The following CTBP2 variants were observed in gnomAD, a reference collection of about 807,000 sequenced individuals.
The protein encoded by CTBP2 is C-terminal binding protein 2.
In CTBP2, 30 loss-of-function variants were observed where a neutral mutation model predicts 80.3. The ratio of observed to expected loss-of-function variants is 0.37; its 90% CI spans 0.28 to 0.51. The LOEUF (loss-of-function observed/expected upper bound fraction) is 0.51, where lower values mean the gene tolerates loss of function less well. CTBP2 is among the 20% of genes least tolerant of loss of function. CTBP2 has a pLI of 0.93. For synonymous variants in CTBP2, 594 were observed against 587.4 expected, an observed-to-expected ratio of 1.01 and a Z score of -0.16; for missense variants, 1,212 against 1,375.3, an observed-to-expected ratio of 0.88 and a Z score of 1.88.
intron 2 of CTBP2, among the ~76,000 whole-genome samples, chr10:125,079,154 A>G (rs75588051): frequency 1.8e-3 from 252 of 140,028 alleles, no homozygotes; most frequent in African/African-American, 5.9e-3. Context: ...CTCGAGGAAA[A>G]AAAAAAAAAA....
intron 2 of CTBP2, among the ~76,000 whole-genome samples, chr10:125,050,675 A>G (rs1375192476): frequency 6.6e-6 from 1 of 152,226 alleles, no homozygotes; most frequent in East Asian, 1.9e-4. Flanking sequence ...GCTGGGGTTC[A>G]GCTGTCTTCT....
intron 1 of CTBP2, among the ~76,000 whole-genome samples, chr10:125,141,015 G>A (rs961675680): frequency 1.3e-5 from 2 of 151,556 alleles, no homozygotes; most frequent in African/African-American, 2.4e-5. Context: ...CAGACTGGCT[G>A]TAATCCCGGC....
At chr10:125,145,232 C>T (rs944680897) in intron 1 of CTBP2, among the ~76,000 whole-genome samples, 18 of 152,102 alleles carry the variant, frequency 1.2e-4, no homozygotes, top group Admixed American at 6.5e-4. Flanking sequence ...TTGGCAGTTT[C>T]GGGCTGGCTG....
In CTBP2 at chr10:124,991,439, G is replaced by A. The variant is rs149745116; in HGVS notation, c.2777+1256C>T. 7.2e-3 allele frequency among the ~76,000 whole-genome samples: 1,100 copies of A among 152,336 alleles called. 8 individuals carry two copies. The highest frequency in any genetic ancestry group is 0.011 in the Non-Finnish European group (748 of 68,028). On this transcript the variant is annotated intron_variant, in intron 8 of 8. Coordinates refer to ENST00000309035, the MANE Select transcript of CTBP2 (RefSeq NM_022802.3). ...CCAGCTCCACCCAACAGGGGAATCT[G>A]GTGCTGTGATAGGCTCAAAATACTT...
chr10:125,002,307 C>T (rs753295680), intron 3 of CTBP2, among the ~76,000 whole-genome samples: 3 of 152,320 alleles, frequency 2.0e-5, no homozygotes, highest in African/African-American at 4.8e-5. Flanking sequence ...CGAGCTCACA[C>T]GGGGTGCTGG....
chr10:125,146,700 A>G (rs1163560721), intron 1 of CTBP2, among the ~76,000 whole-genome samples: 3 of 151,914 alleles, frequency 2.0e-5, no homozygotes, highest in Non-Finnish European at 4.4e-5. Flanking sequence ...TCCTTACCCC[A>G]CCTTGCCATT....
chr10:125,014,270 T>A (rs184312686), intron 1 of CTBP2, among the ~76,000 whole-genome samples: 1 of 152,306 alleles, frequency 6.6e-6, no homozygotes, highest in Admixed American at 6.5e-5. Context: ...TGTCCTAACC[T>A]GGACGACACA....
chr10:125,061,926 T>A (rs187091030), intron 2 of CTBP2, among the ~76,000 whole-genome samples: 1 of 152,278 alleles, frequency 6.6e-6, no homozygotes, highest in East Asian at 1.9e-4. Flanking sequence ...GCTTTCCTCA[T>A]CTAAAATGAC....
chr10:125,052,998 C>T (rs1393337602), intron 2 of CTBP2, among the ~76,000 whole-genome samples: 5 of 152,188 alleles, frequency 3.3e-5, no homozygotes, highest in African/African-American at 9.7e-5. Context: ...TTTATGAATA[C>T]GCATCACGCA....
intron 2 of CTBP2, among the ~76,000 whole-genome samples, chr10:125,107,294 G>A (rs1436492353): frequency 6.6e-6 from 1 of 152,188 alleles, no homozygotes; most frequent in African/African-American, 2.4e-5. Flanking sequence ...TTCGGATGTT[G>A]GCAGTCTTGC....
intron 5 of CTBP2, 54 bp downstream of exon 7, chr10:124,994,415 G>A: frequency 6.4e-7 from 1 of 1,564,534 alleles, no homozygotes; most frequent in South Asian, 1.1e-5. Flanking sequence ...GTGCCCACAA[G>A]CAAGTGCTAC....
intron 2 of CTBP2, among the ~76,000 whole-genome samples, chr10:125,079,631 AT>A (rs1331394848): frequency 1.3e-5 from 2 of 152,240 alleles, no homozygotes; most frequent in African/African-American, 4.8e-5. Context: ...CATGTCATTA[AT>A]TATTAATTCT....
chr10:125,050,074 C>T (rs540915336), intron 2 of CTBP2, among the ~76,000 whole-genome samples: 10 of 152,084 alleles, frequency 6.6e-5, no homozygotes, highest in Non-Finnish European at 1.3e-4. Context: ...ACTCATCATG[C>T]AAAGGCTGGC....
intron 1 of CTBP2, among the ~76,000 whole-genome samples, chr10:125,018,058 T>A (rs546998796): frequency 6.6e-6 from 1 of 152,378 alleles, no homozygotes; most frequent in Non-Finnish European, 1.5e-5. Flanking sequence ...CCCAAGTGTA[T>A]ACCATTGTTG....
intron 1 of CTBP2, among the ~76,000 whole-genome samples, chr10:125,114,061 T>C (rs886964465): frequency 4.6e-5 from 7 of 152,218 alleles, no homozygotes; most frequent in African/African-American, 1.7e-4. Context: ...CGGCGTGGAC[T>C]AGTGCCCCGA....
At chr10:125,028,967 C>G (rs1201608776), upstream of CTBP2, among the ~76,000 whole-genome samples, 1 of 152,188 alleles carries the variant, frequency 6.6e-6, no homozygotes, top group African/African-American at 2.4e-5. Flanking sequence ...ACATATGGAA[C>G]AGTACCAGAG....
At chr10:125,093,999 G>C (rs1849172726) in intron 2 of CTBP2, among the ~76,000 whole-genome samples, 1 of 152,216 alleles carries the variant, frequency 6.6e-6, no homozygotes, top group African/African-American at 2.4e-5. Context: ...ACTGCTGCTA[G>C]AATGTGCCGT....
At chr10:124,993,040 T>C (rs1952917350) in intron 7 of CTBP2, among the ~76,000 whole-genome samples, 162 bp downstream of exon 9, 1 of 152,240 alleles carries the variant, frequency 6.6e-6, no homozygotes, top group Non-Finnish European at 1.5e-5. Context: ...CTGTGAAGTT[T>C]AGTTCAGGGC....
At chr10:125,131,813 G>A (rs1011791935) in intron 1 of CTBP2, among the ~76,000 whole-genome samples, 1 of 152,174 alleles carries the variant, frequency 6.6e-6, no homozygotes, top group Non-Finnish European at 1.5e-5. Flanking sequence ...ACAGTCAACA[G>A]GAGAAAAACT....
Sources: gnomAD v4.1 joint callset for allele counts (sites outside exome capture counted in the v4.1 genomes callset) on GRCh38, gnomAD v4.1.1 for gene constraint, MANE v1.5 for transcripts, NCBI Gene and HGNC (gene_info 2026-07-23, HGNC 2026-07-21) for gene names.